Variants in RRM2 observed in about 807,000 individuals in gnomAD.
RRM2 encodes ribonucleoside-diphosphate reductase subunit M2.
A neutral mutation model predicts 45.9 loss-of-function variants in RRM2; 6 were observed. That is an observed-to-expected ratio of 0.13 (90% CI 0.07 to 0.26). RRM2 has a LOEUF of 0.26. RRM2 is among the 10% of genes least tolerant of loss of function. The pLI, the probability that RRM2 is intolerant of heterozygous loss-of-function variation, is 1.00. For synonymous variants in RRM2, 177 were observed against 173.0 expected, an observed-to-expected ratio of 1.02 and a Z score of -0.18; for missense variants, 343 against 489.5, an observed-to-expected ratio of 0.70 and a Z score of 2.82.
intron 3 of RRM2, among the ~76,000 whole-genome samples, chr2:10,208,285 GA>G (rs1285565746): frequency 6.6e-6 from 1 of 152,154 alleles, no homozygotes; most frequent in Non-Finnish European, 1.5e-5. Flanking sequence ...AAGGGGCTGG[GA>G]AGGAAGCCAC....
chr2:10,208,600 A>G (rs565587320), intron 3 of RRM2, among the ~76,000 whole-genome samples: 1 of 152,352 alleles, frequency 6.6e-6, no homozygotes, highest in East Asian at 1.9e-4. Flanking sequence ...AGATGAGTAA[A>G]GGGTTATTGA....
intron 3 of RRM2, among the ~76,000 whole-genome samples, chr2:10,145,337 A>G (rs1465391529): frequency 6.6e-6 from 1 of 152,108 alleles, no homozygotes; most frequent in Non-Finnish European, 1.5e-5. Flanking sequence ...AACTTTCTCA[A>G]ATTCCCATAC....
downstream of RRM2, among the ~76,000 whole-genome samples, chr2:10,134,664 G>C (rs995917283): frequency 1.3e-5 from 2 of 152,206 alleles, no homozygotes; most frequent in African/African-American, 4.8e-5. Context: ...TGAAGAAATA[G>C]ATTTTCGGAA....
chr2:10,177,715 C>CTCCCTCCCTCCT (rs1663952620), intron 3 of RRM2, among the ~76,000 whole-genome samples: 2 of 150,812 alleles, frequency 1.3e-5, no homozygotes, highest in African/African-American at 4.9e-5. Context: ...TCCTCTCTCC[C>CTCCCTCCCTCCT]TCCCTCCCTC....
intron 3 of RRM2, among the ~76,000 whole-genome samples, chr2:10,190,941 A>G (rs1002185762): frequency 6.6e-6 from 1 of 152,126 alleles, no homozygotes; most frequent in African/African-American, 2.4e-5. Context: ...TCTGTCTCTC[A>G]CCTGCTCTTG....
At chr2:10,180,543 A>T (rs1033804487) in intron 3 of RRM2, among the ~76,000 whole-genome samples, 5 of 152,124 alleles carry the variant, frequency 3.3e-5, no homozygotes, top group African/African-American at 1.2e-4. Flanking sequence ...GGGCCTTGGC[A>T]CTCGTGGTTG....
chr2:10,186,197 C>T (rs1394905182), intron 3 of RRM2, among the ~76,000 whole-genome samples: 2 of 152,154 alleles, frequency 1.3e-5, no homozygotes, highest in Non-Finnish European at 2.9e-5. Flanking sequence ...CAGTTTCCAT[C>T]TCTGTGAAGT....
downstream of RRM2, among the ~76,000 whole-genome samples, chr2:10,135,866 T>A (rs1189463500): frequency 6.6e-6 from 1 of 152,110 alleles, no homozygotes; most frequent in Non-Finnish European, 1.5e-5. Flanking sequence ...TGTGACTTCA[T>A]CCCTGCCTCC....
chr2:10,203,555 C>A (rs182829807), intron 3 of RRM2, among the ~76,000 whole-genome samples: 35 of 152,210 alleles, frequency 2.3e-4, no homozygotes, highest in African/African-American at 8.4e-4. Flanking sequence ...TCGAGCCCAG[C>A]CTGGCCAATA....
chr2:10,196,470 G>A (rs1343365508), intron 3 of RRM2, among the ~76,000 whole-genome samples: 1 of 152,192 alleles, frequency 6.6e-6, no homozygotes, highest in African/African-American at 2.4e-5. Context: ...GCACTGCCTG[G>A]CAGTGCCTGG....
At chr2:10,138,751 T>C (rs16855510), upstream of RRM2, among the ~76,000 whole-genome samples, 88,883 of 152,110 alleles carry the variant, frequency 0.58, 26,587 homozygotes, top group Non-Finnish European at 0.66. Context: ...TGTGAGAATT[T>C]AGATGAGTGA....
rs987350609 is a variant in RRM2 at position 10,200,659 on chromosome 2, A to T, written n.483-9652A>T. ...GGCCCACAGGCACCGCGCACACAAA[A>T]TATGAGGCCCACAGGGACTGCGCGC... On this transcript the variant is annotated intron_variant and non_coding_transcript_variant, in intron 3 of 3. Transcript: ENST00000381786. Among the ~76,000 whole-genome samples the T allele has an allele frequency of 7.1e-4, 84 of 118,844 alleles. 6 individuals carry two copies. The highest frequency in any genetic ancestry group is 8.8e-3 in the Middle Eastern group (2 of 226). 78.0% of individuals were successfully genotyped at this position (118,844 alleles called of 152,430 possible).
chr2:10,181,899 G>A (rs1294741986), intron 3 of RRM2, among the ~76,000 whole-genome samples: 1 of 150,432 alleles, frequency 6.6e-6, no homozygotes. Flanking sequence ...CGAGTAGCTG[G>A]GACTACAGGA....
At chr2:10,138,838 T>C (rs1332238181), upstream of RRM2, among the ~76,000 whole-genome samples, 1 of 151,930 alleles carries the variant, frequency 6.6e-6, no homozygotes, top group Non-Finnish European at 1.5e-5. Context: ...CCAGGCGTGG[T>C]GGCTCACGCC....
chr2:10,186,272 C>T (rs1264710829), intron 3 of RRM2, among the ~76,000 whole-genome samples: 3 of 151,466 alleles, frequency 2.0e-5, no homozygotes, highest in Non-Finnish European at 4.4e-5. Context: ...CTCAGCATCC[C>T]GAGTAGCTGG....
At chr2:10,197,266 G>A (rs940714425) in intron 3 of RRM2, among the ~76,000 whole-genome samples, 4 of 152,220 alleles carry the variant, frequency 2.6e-5, no homozygotes, top group African/African-American at 7.2e-5. Flanking sequence ...GAAGGGTAAC[G>A]CGAGCGCCTA....
intron 3 of RRM2, among the ~76,000 whole-genome samples, chr2:10,157,615 G>A (rs1198247239): frequency 6.6e-6 from 1 of 152,020 alleles, no homozygotes; most frequent in Non-Finnish European, 1.5e-5. Context: ...GCCCTTTTTT[G>A]GCTTGACTCA....
intron 3 of RRM2, among the ~76,000 whole-genome samples, chr2:10,170,422 G>T (rs546874947): frequency 6.6e-6 from 1 of 152,172 alleles, no homozygotes; most frequent in African/African-American, 2.4e-5. Flanking sequence ...GCTCGTGGGC[G>T]CTGGAACCAG....
At chr2:10,174,590 A>G (rs34291376) in intron 3 of RRM2, among the ~76,000 whole-genome samples, 44,084 of 148,736 alleles carry the variant, frequency 0.3, 6,988 homozygotes, top group South Asian at 0.5. Context: ...AAAAAAAAAA[A>G]GGCTAGGTAT....
Sources: allele counts gnomAD v4.1 joint callset (sites outside exome capture counted in the v4.1 genomes callset), GRCh38; gene constraint gnomAD v4.1.1; transcripts MANE v1.5; gene names NCBI Gene and HGNC (gene_info 2026-07-23, HGNC 2026-07-21).